Variants in CLNK observed in about 807,000 individuals in gnomAD.
The protein encoded by CLNK is cytokine dependent hematopoietic cell linker, also known as cytokine-dependent hematopoietic cell linker.
In CLNK, 74 loss-of-function variants were observed where a neutral mutation model predicts 68.6. The observed-to-expected ratio is 1.08, with a 90% CI of 0.89 to 1.31. The LOEUF (loss-of-function observed/expected upper bound fraction) is 1.31. Among genes scored for constraint, CLNK ranks in the 50% most tolerant of loss-of-function variants. The probability of loss-of-function intolerance (pLI) is 0.00; values close to 1 mark genes in which losing one functional copy is unlikely to be tolerated. For missense variants in CLNK, 553 were observed against 515.3 expected, an observed-to-expected ratio of 1.07 and a Z score of -0.71; for synonymous variants, 198 against 172.2, an observed-to-expected ratio of 1.15 and a Z score of -1.17.
At chr4:10,718,037 T>A in the CLNK span, among the ~76,000 whole-genome samples, 2 of 151,850 alleles carry the variant, frequency 1.3e-5, no homozygotes, top group Admixed American at 6.6e-5. Context: ...GAAGAACAAA[T>A]GGAAATTTTA....
chr4:10,713,362 G>A, the CLNK span, among the ~76,000 whole-genome samples: 1 of 152,194 alleles, frequency 6.6e-6, no homozygotes, highest in African/African-American at 2.4e-5. Context: ...GACGAAATGA[G>A]TGCCATGAAC....
In CLNK at chr4:10,643,057, G is replaced by A. The variant is rs117664607; in HGVS notation, c.11+24802C>T. Among the ~76,000 whole-genome samples the A allele has an allele frequency of 4.2e-4, 64 of 152,274 alleles. No individual in the cohort carries two copies. In the East Asian group the frequency reaches 6.7e-3, roughly 16 times the overall value. ...ATAGACATGATACTTAAAACCGTGC[G>A]GTTCAGTTTCAGGATGTAAGTGTTC... On this transcript the variant is annotated intron_variant, in intron 2 of 18. Coordinates refer to ENST00000226951, the MANE Select transcript of CLNK (RefSeq NM_052964.4).
chr4:10,517,262 G>A (rs1366038812), intron 15 of CLNK: 4 of 151,966 alleles, frequency 2.6e-5, no homozygotes, highest in Admixed American at 2.6e-4. Flanking sequence ...AAATAAAGGA[G>A]AGATGAATCC....
intron 8 of CLNK, among the ~76,000 whole-genome samples, chr4:10,544,959 C>A (rs370151114): frequency 6.6e-6 from 1 of 152,208 alleles, no homozygotes; most frequent in African/African-American, 2.4e-5. Flanking sequence ...CCCATTAATT[C>A]ATTAATCTGT....
intron 14 of CLNK, among the ~76,000 whole-genome samples, chr4:10,522,390 A>C (rs1718115736): frequency 6.6e-6 from 1 of 151,802 alleles, no homozygotes; most frequent in African/African-American, 2.4e-5. Flanking sequence ...CCTTGATAAC[A>C]TGGTGAAACC....
Position 10,513,542 on chromosome 4 carries a change from GC to G in CLNK, c.827del (p.Ser276ThrfsTer49). On this transcript the variant is annotated frameshift_variant, in exon 16 of 19. Coordinates refer to ENST00000226951, the MANE Select transcript of CLNK (RefSeq NM_052964.4). LOFTEE classifies it high-confidence loss of function. ...CSPQRCQPPASCSPHENILPY... is the reference protein window; with the variant it reads ...CSPQRCQPPAXCSPHENILPY... The stretch of plus-strand genomic sequence containing the variant: ...GCAGTATATTTTCGTGAGGGCTGCA[GC>G]TGGCTGGAGGCTGGCATCTCTGAGG... The G allele has an allele frequency of 6.2e-7, 1 of 1,609,648 alleles. No homozygotes were observed. The highest frequency in any genetic ancestry group is 8.5e-7 in the Non-Finnish European group (1 of 1,177,844).
chr4:10,645,877 G>C (rs997241454), intron 2 of CLNK, among the ~76,000 whole-genome samples: 1 of 152,158 alleles, frequency 6.6e-6, no homozygotes, highest in East Asian at 1.9e-4. Context: ...TGTTTGAGGT[G>C]ATGGATATCC....
chr4:10,614,524 G>A (rs372773349), intron 2 of CLNK, among the ~76,000 whole-genome samples: 4 of 152,186 alleles, frequency 2.6e-5, no homozygotes, highest in African/African-American at 7.2e-5. Flanking sequence ...TTTTCAGCCT[G>A]AGAATTCCCA....
In CLNK at chr4:10,573,857, C is replaced by A. The variant is rs537112160; in HGVS notation, c.113-2079G>T. On this transcript the variant is annotated intron_variant, in intron 4 of 18. Coordinates refer to ENST00000226951, the MANE Select transcript of CLNK (RefSeq NM_052964.4). ...TGTGGGTACAGACCCTGCCTGGAGCCTCTTCTCCCTCTCACCTCCCCTTTG... is the reference window on the plus strand; with the variant it reads ...TGTGGGTACAGACCCTGCCTGGAGCATCTTCTCCCTCTCACCTCCCCTTTG... Among the ~76,000 whole-genome samples, 14 of 152,202 alleles carry A rather than the reference C, an allele frequency of 9.2e-5. No individual in the cohort carries two copies. The East Asian group carries it at 1.9e-3, about 21-fold the overall frequency.
rs551866179 is a variant in CLNK, at chr4:10,502,555, C to T, written c.985-1144G>A. 2.0e-5 allele frequency among the ~76,000 whole-genome samples: 3 copies of T among 151,926 alleles called. 1 individual carries two copies. In the South Asian group the frequency reaches 6.2e-4, roughly 32 times the overall value. On this transcript the variant is annotated intron_variant, in intron 17 of 18. Transcript: ENST00000226951. ...CCCCCTTCTTGATGTATTCATCTCT[C>T]AATGTTCACATATTTCCTCTTCTGC...
intron 6 of CLNK, among the ~76,000 whole-genome samples, chr4:10,565,304 G>A (rs1460497623): frequency 6.6e-6 from 1 of 152,190 alleles, no homozygotes; most frequent in Non-Finnish European, 1.5e-5. Flanking sequence ...AACAAGAAAA[G>A]TCATCATCAT....
intron 15 of CLNK, 45 bp from the exon 16 acceptor site, chr4:10,513,642 G>T (rs1174968072): frequency 1.9e-6 from 3 of 1,549,402 alleles, no homozygotes; most frequent in South Asian, 2.4e-5. Context: ...TGTGACTGGT[G>T]CAGTCTGTCC....
In CLNK at chr4:10,501,311, C is replaced by G. The variant is rs199925446; in HGVS notation, c.1085G>C (p.Arg362Pro). The G allele has an allele frequency of 6.2e-7, 1 of 1,607,114 alleles. No individual in the cohort carries two copies. Among genetic ancestry groups the G allele is most frequent in the Non-Finnish European group, 8.5e-7 (1 of 1,177,612 alleles). The change falls in exon 18 of 19, where the codon CGC becomes CCC. Residue 362 changes from arginine (R) to proline (P), a missense_variant. By Grantham distance (103) the Arg-to-Pro change is moderately radical. Coordinates refer to ENST00000226951, the MANE Select transcript of CLNK (RefSeq NM_052964.4). ...AAACTGCTGATTCCTCTCCAGGAAGCGTATTTTTACATTGTAGACTTTGTT... is the reference window on the plus strand; with the variant it reads ...AAACTGCTGATTCCTCTCCAGGAAGGGTATTTTTACATTGTAGACTTTGTT... ...YENKVYNVKI[R>P]FLERNQQFAL...
chr4:10,694,412 A>G, the CLNK span, among the ~76,000 whole-genome samples: 1 of 152,078 alleles, frequency 6.6e-6, no homozygotes, highest in Admixed American at 6.6e-5. Flanking sequence ...GTTTTAGTCA[A>G]TGATGGACTG....
chr4:10,548,008 T>C (rs765209135), intron 8 of CLNK, among the ~76,000 whole-genome samples: 1 of 152,160 alleles, frequency 6.6e-6, no homozygotes. Context: ...TACTCAAAAG[T>C]TGGATTCGTG....
chr4:10,495,832 GA>G (rs1408525708), intron 18 of CLNK, among the ~76,000 whole-genome samples: 2 of 151,998 alleles, frequency 1.3e-5, no homozygotes, highest in Non-Finnish European at 2.9e-5. Flanking sequence ...CATAGAGAGA[GA>G]GAGATGAGGA....
intron 11 of CLNK, among the ~76,000 whole-genome samples, chr4:10,533,578 G>A (rs559601547): frequency 1.3e-5 from 2 of 152,290 alleles, no homozygotes; most frequent in Admixed American, 6.5e-5. Flanking sequence ...AAGGTTCCAC[G>A]GTTTTAGCCT....
At chr4:10,627,178 A>G (rs1722708709) in intron 2 of CLNK, among the ~76,000 whole-genome samples, 1 of 152,154 alleles carries the variant, frequency 6.6e-6, no homozygotes, top group Non-Finnish European at 1.5e-5. Flanking sequence ...GAAAACTGTG[A>G]GTTTTACAGA....
chr4:10,532,073 C>A (rs1718566317), intron 12 of CLNK, 183 bp downstream of exon 12: 3 of 654,170 alleles, frequency 4.6e-6, no homozygotes, highest in Non-Finnish European at 8.2e-6. Flanking sequence ...GGTTTAAAAT[C>A]TGGAGCTAAG....
Sources: allele counts gnomAD v4.1 joint callset (sites outside exome capture counted in the v4.1 genomes callset), GRCh38; gene constraint gnomAD v4.1.1; transcripts MANE v1.5; gene names NCBI Gene and HGNC (gene_info 2026-07-23, HGNC 2026-07-21).